GFI1: variants seen among roughly 807,000 people sequenced by gnomAD.
The protein encoded by GFI1 is growth factor independent 1 transcriptional repressor, also known as zinc finger protein Gfi-1.
A neutral mutation model predicts 39.2 loss-of-function variants in GFI1; 15 were observed. That is an observed-to-expected ratio of 0.38 (90% CI 0.26 to 0.59). GFI1 has a LOEUF of 0.59. Ranked by LOEUF, GFI1 falls within the 20% of genes least tolerant of loss-of-function variation. The pLI, the probability that GFI1 is intolerant of heterozygous loss-of-function variation, is 0.62. For missense variants in GFI1, 475 were observed against 574.0 expected, an observed-to-expected ratio of 0.83 and a Z score of 1.76; for synonymous variants, 239 against 254.3, an observed-to-expected ratio of 0.94 and a Z score of 0.57.
In GFI1 at chr1:92,481,099, A is replaced by G; in HGVS notation, c.299-11T>C. On this transcript the variant is annotated splice_polypyrimidine_tract_variant and intron_variant, in intron 3 of 6. Transcript: ENST00000294702. The surrounding 1 kb of genome is among the most constrained non-coding windows in gnomAD (Gnocchi z 4.3). ...TTGACTTCTCCGAGGCTGTGGAGGCACAAGGGGAGCGTCCGGTCAGGCTTC... is the reference window on the plus strand; with the variant it reads ...TTGACTTCTCCGAGGCTGTGGAGGCGCAAGGGGAGCGTCCGGTCAGGCTTC... 6.2e-7 allele frequency: 1 copy of G among 1,606,848 alleles called. No individual in the cohort carries two copies. The highest frequency in any genetic ancestry group is 2.2e-5 in the East Asian group (1 of 44,652).
Position 92,483,546 on chromosome 1 carries a change from G to T in GFI1, c.-59C>A. 4.0e-6 allele frequency: 4 copies of T among 994,366 alleles called. No individual in the cohort carries two copies. Among genetic ancestry groups the T allele is most frequent in the Non-Finnish European group, 6.3e-6 (4 of 633,508 alleles). The allele number at this position is 994,366 out of a possible 1,614,324, so 61.6% of individuals were successfully genotyped here. A position where few individuals can be genotyped will look rare whatever the true frequency, so the allele number is the denominator to read the frequency against. ...AGTCCCTGGAGCCGCTGTCACCCAC[G>T]GTCACTCCGAGGGCTTGCTCAGCCC... On this transcript the variant is annotated 5_prime_UTR_variant, in exon 2 of 7. Transcript: ENST00000294702.
intron 1 of GFI1, among the ~76,000 whole-genome samples, chr1:92,485,737 C>T (rs1056041605): frequency 1.3e-5 from 2 of 152,258 alleles, no homozygotes; most frequent in Admixed American, 6.5e-5. Context: ...CAGCTGCCGC[C>T]GCCTCCCCAC....
At chr1:92,483,724 GC>G in intron 1 of GFI1, 138 bp from the exon 2 acceptor site, 1 of 548,656 alleles carries the variant, frequency 1.8e-6, no homozygotes. Context: ...ACCCTGCTGC[GC>G]CGCGCTTACC....
At position 92,480,853 on chromosome 1, in the gene GFI1, C is replaced by A. The variant is rs1658207859; in HGVS notation, c.534G>T (p.Gly178=). 3 of 1,459,072 alleles carry A rather than the reference C, an allele frequency of 2.1e-6. No homozygotes were observed. The highest frequency in any genetic ancestry group is 2.7e-6 in the Non-Finnish European group (3 of 1,110,802). The allele number at this position is 1,459,072 out of a possible 1,614,324, so 90.4% of individuals were successfully genotyped here. A position where few individuals can be genotyped will look rare whatever the true frequency, so the allele number is the denominator to read the frequency against. Residue 178 remains glycine, a synonymous_variant, in exon 4 of 7, where the codon GGG becomes GGT. Coordinates refer to ENST00000294702, the MANE Select transcript of GFI1 (RefSeq NM_005263.5). This position sits in a 1 kb window ranked among gnomAD's most constrained non-coding sequence, Gnocchi z 5.6. ...YGPKRAAGGA[G]AGAPGSCSAG... is the part of the protein sequence containing the mutation. ...CGCTGCAGCTCCCTGGCGCCCCGGCCCCCGCGCCGCCGGCAGCCCGCTTCG... is the reference window on the plus strand; with the variant it reads ...CGCTGCAGCTCCCTGGCGCCCCGGCACCCGCGCCGCCGGCAGCCCGCTTCG...
At chr1:92,476,343 G>A (rs1018465614) in intron 6 of GFI1, 136 bp from the exon 7 acceptor site, 13 of 783,350 alleles carry the variant, frequency 1.7e-5, no homozygotes, top group Admixed American at 1.0e-4. Context: ...GGAGGGTGAC[G>A]TGTTGCAACC....
intron 6 of GFI1, among the ~76,000 whole-genome samples, chr1:92,477,439 G>C (rs1263635871): frequency 6.6e-6 from 1 of 152,170 alleles, no homozygotes; most frequent in African/African-American, 2.4e-5. Flanking sequence ...TAAACATCAA[G>C]GGTGGGTGTT....
chr1:92,480,630 C>T lies in GFI1; in HGVS notation c.757G>A (p.Gly253Ser), dbSNP rs772484731. 4.4e-6 allele frequency: 7 copies of T among 1,578,768 alleles called. No homozygotes were observed. In the Admixed American group the frequency reaches 5.2e-5, roughly 12 times the overall value. The change falls in exon 4 of 7, where the codon GGC (glycine) becomes AGC (serine). Residue 253 changes from glycine to serine, a missense_variant. Physicochemically the swap from Gly to Ser is moderately conservative, Grantham distance 56 (BLOSUM62 0). Transcript: ENST00000294702. The surrounding 1 kb of genome is among the most constrained non-coding windows in gnomAD (Gnocchi z 5.6). ...CTGCACTTGATGCACTTGTAGGAGC[C>T]GCCGCCCAGCAGCAGGCGGGTGCAC... is the stretch of plus-strand genomic sequence containing the variant. ...LLCTRLLLGGGSYKCIKCSKV... is the reference protein window; with the variant it reads ...LLCTRLLLGGSSYKCIKCSKV...
intron 1 of GFI1, among the ~76,000 whole-genome samples, chr1:92,485,468 C>G (rs748473029): frequency 4.6e-5 from 7 of 152,142 alleles, no homozygotes; most frequent in Non-Finnish European, 7.4e-5. Flanking sequence ...ACCAGGCGGA[C>G]GCGGAGGCCG....
chr1:92,479,668 G>A (rs554975334), intron 5 of GFI1, among the ~76,000 whole-genome samples: 3 of 152,062 alleles, frequency 2.0e-5, no homozygotes, highest in Non-Finnish European at 4.4e-5. Flanking sequence ...CCTGGCTAAC[G>A]TGGCGAAATC....
At chr1:92,479,746 A>G (rs140808224) in intron 5 of GFI1, among the ~76,000 whole-genome samples, 7 of 152,276 alleles carry the variant, frequency 4.6e-5, no homozygotes, top group African/African-American at 1.7e-4. Flanking sequence ...CCAGCTACTT[A>G]GGAGGCTGAG....
chr1:92,480,819 C>G lies in GFI1; in HGVS notation c.568G>C (p.Gly190Arg). 6.4e-7 allele frequency: 1 copy of G among 1,567,720 alleles called. No homozygotes were observed. The highest frequency in any genetic ancestry group is 8.6e-7 in the Non-Finnish European group (1 of 1,158,670). Residue 190 changes from glycine (G) to arginine (R), a missense_variant, in exon 4 of 7, where the codon GGT (glycine) becomes CGT (arginine). Coordinates refer to ENST00000294702, the MANE Select transcript of GFI1 (RefSeq NM_005263.5). The surrounding 1 kb of genome is among the most constrained non-coding windows in gnomAD (Gnocchi z 5.6). The part of the protein sequence containing the change: ...GAPGSCSAGA[G>R]ATAGPGLGLY... ...CCTAGGCCAGGGCCAGCGGTGGCAC[C>G]GGCCCCTGCGCTGCAGCTCCCTGGC...
At position 92,476,023 on chromosome 1, in the gene GFI1, G is replaced by A; in HGVS notation, c.*6C>T. The stretch of plus-strand genomic sequence containing the variant: ...TGTAGCTGCTGCTTGCAGCCAGCCA[G>A]GGTGCTCATTTGAGCCCATGCTGCG... On this transcript the variant is annotated 3_prime_UTR_variant, in exon 7 of 7. Coordinates refer to ENST00000294702, the MANE Select transcript of GFI1 (RefSeq NM_005263.5). 1 of 1,613,608 alleles carries A rather than the reference G, an allele frequency of 6.2e-7. No homozygotes were observed. Among genetic ancestry groups the A allele is most frequent in the Non-Finnish European group, 8.5e-7 (1 of 1,179,752 alleles).
chr1:92,476,711 C>T (rs1172920538), intron 6 of GFI1, among the ~76,000 whole-genome samples: 8 of 151,994 alleles, frequency 5.3e-5, no homozygotes, highest in African/African-American at 1.9e-4. Context: ...TGAAGGACAG[C>T]AGATTATATC....
chr1:92,480,839 C>A lies in GFI1; in HGVS notation c.548G>T (p.Gly183Val), dbSNP rs1262865717. The change falls in exon 4 of 7, where the codon GGG becomes GTG. Residue 183 changes from glycine to valine, a missense_variant. Coordinates refer to ENST00000294702, the MANE Select transcript of GFI1 (RefSeq NM_005263.5). This position sits in a 1 kb window ranked among gnomAD's most constrained non-coding sequence, Gnocchi z 5.6. ...AAGGAGAGAP[G>V]SCSAGAGATA... ...GGCACCGGCCCCTGCGCTGCAGCTC[C>A]CTGGCGCCCCGGCCCCCGCGCCGCC... is the stretch of plus-strand genomic sequence containing the variant. 1 of 1,506,088 alleles carries A rather than the reference C, an allele frequency of 6.6e-7. No individual in the cohort carries two copies. The highest frequency in any genetic ancestry group is 1.4e-5 in the African/African-American group (1 of 69,042). The allele number at this position is 1,506,088 out of a possible 1,614,324, so 93.3% of individuals were successfully genotyped here. A position where few individuals can be genotyped will look rare whatever the true frequency, so the allele number is the denominator to read the frequency against.
rs1443258264 is a variant in GFI1, at chr1:92,475,220, T to G, written c.*809A>C. 1 of 152,304 alleles carries G rather than the reference T, an allele frequency of 6.6e-6. No homozygotes were observed. Among genetic ancestry groups the G allele is most frequent in the Non-Finnish European group, 1.5e-5 (1 of 68,124 alleles). The allele number at this position is 152,304 out of a possible 1,614,324, so 9.4% of individuals were successfully genotyped here. Reference sequence around the variant, plus strand: ...CCCCAATACCTAGCATGGTGCCTGGTACCTTGGTAGCCGGTGATCCATGAA... The same window carrying G: ...CCCCAATACCTAGCATGGTGCCTGGGACCTTGGTAGCCGGTGATCCATGAA... On this transcript the variant is annotated 3_prime_UTR_variant, in exon 7 of 7. Transcript: ENST00000294702.
chr1:92,483,282 G>A (rs1354805843), intron 2 of GFI1, 91 bp downstream of exon 2: 1 of 806,690 alleles, frequency 1.2e-6, no homozygotes, highest in African/African-American at 1.7e-5. Context: ...GGGACGTTGG[G>A]GCAGCCCCTC....
rs773739893 is a variant in GFI1 at position 92,483,039 on chromosome 1, A to C, written c.123T>G (p.Thr41=). The C allele has an allele frequency of 1.9e-6, 3 of 1,592,364 alleles. No homozygotes were observed. The South Asian group carries it at 3.4e-5, about 18-fold the overall frequency. ...NVPAPSRADS[T]SNAGGAKAEP... ...CCGCCTTCGCCCCGCCTGCATTTGA[A>C]GTGCTGTCTGCAAAGAGGAGGCAGG... The change falls in exon 3 of 7, where the codon ACT becomes ACG. Residue 41 remains threonine, a synonymous_variant. Transcript: ENST00000294702.
At chr1:92,483,865 G>A in intron 1 of GFI1, 1 of 350,442 alleles carries the variant, frequency 2.9e-6, no homozygotes, top group Admixed American at 3.8e-5. Flanking sequence ...ACGCCCCCCA[G>A]CTCCTCCCCT....
rs775847745 is a variant in GFI1 at position 92,478,736 on chromosome 1, A to G, written c.942T>C (p.Cys314=). The G allele has an allele frequency of 1.2e-6, 2 of 1,602,934 alleles. No homozygotes were observed. The highest frequency in any genetic ancestry group is 8.5e-7 in the Non-Finnish European group (1 of 1,173,924). ...TCTTGAAGCTCTTCCCACAGATCTT[A>G]CAGTCAAAGCTCCGTTCCTGCAGAG... ...AVHSQERSFD[C]KICGKSFKRS... is the part of the protein sequence containing the mutation. The change falls in exon 6 of 7, where the codon TGT becomes TGC. Residue 314 remains cysteine, a synonymous_variant. Transcript: ENST00000294702.
Sources: allele counts gnomAD v4.1 joint callset (sites outside exome capture counted in the v4.1 genomes callset), GRCh38; gene constraint gnomAD v4.1.1; non-coding constraint Gnocchi (gnomAD v3.1); transcripts MANE v1.5; gene names NCBI Gene and HGNC (gene_info 2026-07-23, HGNC 2026-07-21).